Variants in PDE1A observed in about 807,000 individuals in gnomAD.
The protein encoded by PDE1A is dual specificity calcium/calmodulin-dependent 3',5'-cyclic nucleotide phosphodiesterase 1A.
Under a neutral mutation model 61.7 loss-of-function variants are expected in PDE1A, and 35 were observed. That is an observed-to-expected ratio of 0.57 (90% confidence interval 0.43 to 0.75). The LOEUF is 0.75. PDE1A is among the 30% of genes least tolerant of loss of function. PDE1A has a pLI of 0.00. For missense variants in PDE1A, 597 were observed against 630.6 expected (o/e 0.95, Z 0.57); for synonymous variants, 232 against 213.2 (o/e 1.09, Z -0.77).
the PDE1A span, among the ~76,000 whole-genome samples, chr2:182,694,748 G>A: frequency 6.2e-5 from 9 of 144,172 alleles, no homozygotes; most frequent in Non-Finnish European, 1.1e-4. Context: ...AGACTCCTGA[G>A]AAAATGGATT....
chr2:182,449,624 A>C (rs1047306101), intron 2 of PDE1A, among the ~76,000 whole-genome samples: 4 of 152,050 alleles, frequency 2.6e-5, no homozygotes, highest in Non-Finnish European at 4.4e-5. Flanking sequence ...AGAGACACTA[A>C]ACATTCACTC....
chr2:182,530,784 G>C, the PDE1A span, among the ~76,000 whole-genome samples: 109,385 of 152,050 alleles, frequency 0.72, 42,039 homozygotes, highest in East Asian at 0.99. Context: ...AAAGGAAATT[G>C]TCCAAACAGA....
the PDE1A span, among the ~76,000 whole-genome samples, chr2:182,692,661 A>G: frequency 4.3e-4 from 64 of 148,800 alleles, 1 homozygote; most frequent in East Asian, 0.012. Flanking sequence ...TAGAACTTAA[A>G]GTATAATAAA....
the PDE1A span, among the ~76,000 whole-genome samples, chr2:182,600,392 TCTTA>T: frequency 2.6e-5 from 4 of 152,216 alleles, no homozygotes; most frequent in African/African-American, 7.2e-5. Context: ...ATAAAAGTAC[TCTTA>T]CTGTTTTGTG....
At chr2:182,435,788 C>A (rs1684361200) in intron 2 of PDE1A, among the ~76,000 whole-genome samples, 1 of 151,988 alleles carries the variant, frequency 6.6e-6, no homozygotes. Flanking sequence ...CAGCTTTCCT[C>A]CGTATTTTAA....
chr2:182,584,565 C>T, the PDE1A span, among the ~76,000 whole-genome samples: 157 of 152,348 alleles, frequency 1.0e-3, 1 homozygote, highest in African/African-American at 3.5e-3. Flanking sequence ...GTGAGACAGA[C>T]GGTGGCTGTC....
chr2:182,501,460 C>T (rs1442525610), intron 2 of PDE1A, among the ~76,000 whole-genome samples: 1 of 152,134 alleles, frequency 6.6e-6, no homozygotes, highest in Non-Finnish European at 1.5e-5. Flanking sequence ...GCTTTGTTTT[C>T]TTTTCAGGAA....
At chr2:182,664,798 A>G in the PDE1A span, among the ~76,000 whole-genome samples, 5 of 152,208 alleles carry the variant, frequency 3.3e-5, no homozygotes, top group Admixed American at 3.3e-4. Context: ...AGGCTTCATG[A>G]TACCAAGAAA....
At chr2:182,653,232 T>C in the PDE1A span, among the ~76,000 whole-genome samples, 1 of 152,120 alleles carries the variant, frequency 6.6e-6, no homozygotes, top group African/African-American at 2.4e-5. Flanking sequence ...AAACATGAAT[T>C]CCATCCTGAG....
At chr2:182,532,758 A>AAC in the PDE1A span, among the ~76,000 whole-genome samples, 2 of 150,160 alleles carry the variant, frequency 1.3e-5, no homozygotes, top group Non-Finnish European at 3.0e-5. Context: ...CAGGAGATCG[A>AAC]CAGGACGGTG....
At chr2:182,351,079 G>A (rs1415699934) in intron 1 of PDE1A, among the ~76,000 whole-genome samples, 2 of 152,316 alleles carry the variant, frequency 1.3e-5, no homozygotes, top group South Asian at 4.1e-4. Flanking sequence ...CTGAGCAACA[G>A]AACGTGTTCT....
intron 2 of PDE1A, among the ~76,000 whole-genome samples, chr2:182,254,754 C>T (rs1691653834): frequency 6.6e-6 from 1 of 152,256 alleles, no homozygotes; most frequent in South Asian, 2.1e-4. Flanking sequence ...ACACAAACCC[C>T]GATCCAGGTC....
chr2:182,234,520 G>A, intron 3 of PDE1A, 22 bp from the exon 4 acceptor site: 1 of 1,457,162 alleles, frequency 6.9e-7, no homozygotes, highest in Non-Finnish European at 9.5e-7. Context: ...AAAAATAAGT[G>A]TAAATATAAA....
the PDE1A span, among the ~76,000 whole-genome samples, chr2:182,579,200 T>C: frequency 5.3e-5 from 8 of 152,320 alleles, no homozygotes; most frequent in African/African-American, 1.9e-4. Context: ...GAAATACTTA[T>C]TAGTTGACCA....
chr2:182,301,804 A>G (rs1311628800), intron 1 of PDE1A, among the ~76,000 whole-genome samples: 4 of 152,208 alleles, frequency 2.6e-5, no homozygotes, highest in Non-Finnish European at 5.9e-5. Flanking sequence ...TCTGTCTGAA[A>G]AGGTCATAGT....
intron 2 of PDE1A, among the ~76,000 whole-genome samples, chr2:182,245,710 AAT>A (rs34609810): frequency 0.38 from 57,154 of 151,862 alleles, 10,963 homozygotes; most frequent in East Asian, 0.64. Flanking sequence ...ATTGCTAAAT[AAT>A]ATTCTATTGT....
At position 182,335,285 on chromosome 2, in the gene PDE1A, C is replaced by A. The variant is rs148408973; in HGVS notation, c.54-70871G>T. Among the ~76,000 whole-genome samples, 1,015 of 152,160 alleles carry A rather than the reference C, an allele frequency of 6.7e-3. 9 individuals are homozygous for A. The highest frequency in any genetic ancestry group is 0.023 in the African/African-American group (971 of 41,522). On this transcript the variant is annotated intron_variant, in intron 1 of 13. Coordinates refer to ENST00000351439, the Ensembl canonical transcript of PDE1A. ...AAATGACTTTAAATTTCATATTGAA[C>A]CAAAAAGGAGCCCATACAGCCAAGA... is the stretch of plus-strand genomic sequence containing the variant.
intron 7 of PDE1A, among the ~76,000 whole-genome samples, chr2:182,207,660 C>G (rs966374359): frequency 6.6e-6 from 1 of 152,172 alleles, no homozygotes; most frequent in African/African-American, 2.4e-5. Flanking sequence ...AATTTGCATA[C>G]GTAAAGAGAA....
intron 2 of PDE1A, among the ~76,000 whole-genome samples, chr2:182,443,864 C>T (rs916650908): frequency 4.6e-5 from 7 of 151,842 alleles, no homozygotes; most frequent in East Asian, 2.0e-4. Context: ...CCACCATGCC[C>T]GGCTAATTTT....
Sources: allele counts gnomAD v4.1 joint callset (sites outside exome capture counted in the v4.1 genomes callset), GRCh38; gene constraint gnomAD v4.1.1; transcripts MANE v1.5; gene names NCBI Gene and HGNC (gene_info 2026-07-23, HGNC 2026-07-21).